PACRG: variants seen among roughly 807,000 people sequenced by gnomAD.
The protein encoded by PACRG is parkin coregulated gene protein.
In PACRG, 29 loss-of-function variants were observed where a neutral mutation model predicts 29.7. The ratio of observed to expected loss-of-function variants is 0.98; its 90% confidence interval spans 0.73 to 1.33. The LOEUF is 1.33. Among genes scored for constraint, PACRG ranks in the 40% most tolerant of loss-of-function variants. PACRG has a pLI of 0.00. For missense variants in PACRG, 279 were observed against 316.2 expected (o/e 0.88, Z 0.89); for synonymous variants, 116 against 118.7 (o/e 0.98, Z 0.15).
rs538244118 is a variant in PACRG, at chr6:162,887,720, C to T, written c.291+73439C>T. 3.9e-5 allele frequency among the ~76,000 whole-genome samples: 6 copies of T among 152,246 alleles called. No homozygotes were observed. In the South Asian group the frequency reaches 1.0e-3, roughly 26 times the overall value. The stretch of plus-strand genomic sequence containing the variant: ...CCCAGAAAGTTTTGACCTCGCCCTG[C>T]CTCCGTCCTTAAATACATTCCCTTG... On this transcript the variant is annotated intron_variant, in intron 2 of 4. Transcript: ENST00000366888.
chr6:162,727,577 G>A (rs540154030), upstream of PACRG: 245 of 1,398,142 alleles, frequency 1.8e-4, 9 homozygotes, highest in South Asian at 2.8e-3. Context: ...GGCACCGGGG[G>A]TCCTGGTCGG....
intron 2 of PACRG, among the ~76,000 whole-genome samples, chr6:162,865,162 G>T: frequency 6.6e-6 from 1 of 152,118 alleles, no homozygotes; most frequent in East Asian, 1.9e-4. Context: ...CTGGACTGCG[G>T]CTCTCAATGA....
intron 4 of PACRG, among the ~76,000 whole-genome samples, chr6:163,115,268 T>C (rs1460404677): frequency 2.0e-5 from 3 of 151,976 alleles, no homozygotes. Flanking sequence ...TGGGACTGAG[T>C]AGAGGGGATG....
chr6:163,165,925 T>C, intron 4 of PACRG: 1 of 362,782 alleles, frequency 2.8e-6, no homozygotes, highest in Admixed American at 3.5e-5. Context: ...CATTAGCCAT[T>C]CTTTAAAAAC....
chr6:163,086,402 A>G (rs959903650), intron 3 of PACRG, among the ~76,000 whole-genome samples: 5 of 152,160 alleles, frequency 3.3e-5, no homozygotes, highest in Non-Finnish European at 7.4e-5. Context: ...GTTGTTTTTC[A>G]GCAGATAGAT....
intron 1 of PACRG, among the ~76,000 whole-genome samples, chr6:162,735,522 T>C (rs141584676): frequency 1.0e-3 from 155 of 152,336 alleles, no homozygotes; most frequent in Non-Finnish European, 1.8e-3. Context: ...ATATTTACTG[T>C]CCATTTGGAT....
At chr6:162,947,542 AATC>A (rs1174628258) in intron 2 of PACRG, among the ~76,000 whole-genome samples, 1 of 111,046 alleles carries the variant, frequency 9.0e-6, no homozygotes, top group African/African-American at 4.0e-5. Context: ...ACTCATATAT[AATC>A]ATATATATAT....
At position 162,765,376 on chromosome 6, in the gene PACRG, A is replaced by T. The variant is rs567911842; in HGVS notation, c.156+36985A>T. On this transcript the variant is annotated intron_variant, in intron 1 of 4. Coordinates refer to ENST00000366888, the MANE Select transcript of PACRG (RefSeq NM_001080379.2). The stretch of plus-strand genomic sequence containing the variant: ...AGTACCCAGTACTATTTTCCAGTGC[A>T]ACTCTACCCCCTTTCCTCGCCCCCA... Among the ~76,000 whole-genome samples, 88 of 152,182 alleles carry T rather than the reference A, an allele frequency of 5.8e-4. No individual in the cohort carries two copies. The South Asian group carries it at 0.017, about 30-fold the overall frequency.
chr6:162,745,378 C>T (rs1224105521), intron 1 of PACRG, among the ~76,000 whole-genome samples: 2 of 151,538 alleles, frequency 1.3e-5, no homozygotes, highest in African/African-American at 4.9e-5. Context: ...ACACAGGGGC[C>T]TTTCGGGGGA....
intron 4 of PACRG, among the ~76,000 whole-genome samples, chr6:163,120,204 C>T (rs1484845502): frequency 1.3e-5 from 2 of 152,086 alleles, no homozygotes; most frequent in Admixed American, 6.5e-5. Flanking sequence ...TGAATACTGA[C>T]CTAGTATTCA....
chr6:163,296,452 G>A (rs1193477943), intron 4 of PACRG, among the ~76,000 whole-genome samples: 2 of 152,068 alleles, frequency 1.3e-5, no homozygotes, highest in African/African-American at 2.4e-5. Flanking sequence ...CCGCCACCAC[G>A]CCCGGCTAAT....
At chr6:163,308,126 T>C (rs1490254849) in intron 4 of PACRG, among the ~76,000 whole-genome samples, 1 of 152,218 alleles carries the variant, frequency 6.6e-6, no homozygotes, top group Non-Finnish European at 1.5e-5. Context: ...TAGCTTTCCT[T>C]TTCCCCTTTC....
chr6:163,290,455 G>A (rs1231371884), intron 4 of PACRG, among the ~76,000 whole-genome samples: 1 of 152,180 alleles, frequency 6.6e-6, no homozygotes, highest in Non-Finnish European at 1.5e-5. Flanking sequence ...CCCTGCGCCT[G>A]TGAAAATGCA....
chr6:163,282,367 C>G (rs1292002105), intron 4 of PACRG, among the ~76,000 whole-genome samples: 1 of 152,184 alleles, frequency 6.6e-6, no homozygotes, highest in African/African-American at 2.4e-5. Flanking sequence ...TCCTGTGTCT[C>G]CAATTTACCC....
intron 1 of PACRG, among the ~76,000 whole-genome samples, chr6:162,808,403 G>A (rs1319018163): frequency 6.6e-6 from 1 of 152,132 alleles, no homozygotes; most frequent in Admixed American, 6.6e-5. Flanking sequence ...ATAACACAAT[G>A]CAAATTTCCT....
chr6:163,176,253 A>G (rs538274303), intron 4 of PACRG, among the ~76,000 whole-genome samples: 72 of 152,330 alleles, frequency 4.7e-4, no homozygotes, highest in Non-Finnish European at 7.6e-4. Context: ...AAAGATACTA[A>G]CACTTCACTG....
chr6:163,002,204 A>G (rs1237018731), intron 2 of PACRG, among the ~76,000 whole-genome samples: 1 of 152,214 alleles, frequency 6.6e-6, no homozygotes, highest in African/African-American at 2.4e-5. Flanking sequence ...AGGCCTCTCT[A>G]GTTGACAGCA....
intron 4 of PACRG, among the ~76,000 whole-genome samples, chr6:163,270,836 A>C (rs1016325934): frequency 6.6e-6 from 1 of 152,222 alleles, no homozygotes; most frequent in Non-Finnish European, 1.5e-5. Context: ...CGATTTCCCT[A>C]CATCTTCTCC....
intron 4 of PACRG, among the ~76,000 whole-genome samples, chr6:163,172,597 A>C (rs1219490490): frequency 6.6e-6 from 1 of 152,138 alleles, no homozygotes; most frequent in Admixed American, 6.5e-5. Context: ...TGATTAACAC[A>C]ATTTCTTGCT....
Sources: gnomAD v4.1 joint callset for allele counts (sites outside exome capture counted in the v4.1 genomes callset) on GRCh38, gnomAD v4.1.1 for gene constraint, MANE v1.5 for transcripts, NCBI Gene and HGNC (gene_info 2026-07-23, HGNC 2026-07-21) for gene names.